Variants in NXPE3 observed in about 807,000 individuals in gnomAD.
NXPE3 encodes the protein NXPE family member 3.
NXPE3 carries 26 observed loss-of-function variants against 46.1 expected under a neutral mutation model. The observed-to-expected ratio is 0.56, with a 90% confidence interval of 0.41 to 0.78. The LOEUF (loss-of-function observed/expected upper bound fraction) is 0.78. Ranked by LOEUF, NXPE3 falls within the 30% of genes least tolerant of loss-of-function variation. NXPE3 has a pLI of 0.00. For synonymous variants in NXPE3, 272 were observed against 257.9 expected, an observed-to-expected ratio of 1.05 and a Z score of -0.52; for missense variants, 620 against 686.0, an observed-to-expected ratio of 0.90 and a Z score of 1.07.
chr3:101,786,722 C>T (rs1008537366), intron 4 of NXPE3, among the ~76,000 whole-genome samples: 2 of 152,180 alleles, frequency 1.3e-5, no homozygotes, highest in African/African-American at 4.8e-5. Flanking sequence ...TACCTGGAAG[C>T]TGTTGATGAT....
In NXPE3 at chr3:101,785,489, C is replaced by T; in HGVS notation, c.-108C>T. Reference sequence around the variant, plus strand: ...CTTAAGGGTACTAGCAGGATAGAAGCAAATGAAACTGAAAGCTCATCTGCA... The same window carrying T: ...CTTAAGGGTACTAGCAGGATAGAAGTAAATGAAACTGAAAGCTCATCTGCA... On this transcript the variant is annotated 5_prime_UTR_variant, in exon 4 of 8. Transcript: ENST00000273347. The T allele has an allele frequency of 1.1e-6, 1 of 931,704 alleles. No homozygotes were observed. The highest frequency in any genetic ancestry group is 2.4e-5 in the East Asian group (1 of 41,600). The allele number at this position is 931,704 out of a possible 1,614,324, so 57.7% of individuals were successfully genotyped here. A position where few individuals can be genotyped will look rare whatever the true frequency, so the allele number is the denominator to read the frequency against.
At chr3:101,813,331 C>A (rs1266277310) in intron 6 of NXPE3, among the ~76,000 whole-genome samples, 4 of 152,190 alleles carry the variant, frequency 2.6e-5, no homozygotes, top group Non-Finnish European at 4.4e-5. Flanking sequence ...AGGTTTGCTG[C>A]ACATCTCACC....
At chr3:101,789,643 C>G (rs867179235) in intron 4 of NXPE3, among the ~76,000 whole-genome samples, 9 of 152,120 alleles carry the variant, frequency 5.9e-5, no homozygotes, top group Admixed American at 3.3e-4. Context: ...CATTTTCATT[C>G]AGCTGAATTA....
rs564085779 is a variant in NXPE3, at chr3:101,801,090, G to A, written c.94-145G>A. On this transcript the variant is annotated intron_variant, in intron 4 of 7. Coordinates refer to ENST00000273347, the MANE Select transcript of NXPE3 (RefSeq NM_145037.4). ...CTTTCTCTTCCCGGAAGCCCAAGGG[G>A]ATTTTTCTTTGATATTCACTGTGAG... 7 of 878,766 alleles carry A rather than the reference G, an allele frequency of 8.0e-6. No individual in the cohort carries two copies. The East Asian group carries it at 1.5e-4, about 19-fold the overall frequency. The allele number at this position is 878,766 out of a possible 1,614,324, so 54.4% of individuals were successfully genotyped here.
Position 101,823,283 on chromosome 3 carries a change from A to G in NXPE3, c.*1329A>G, listed in dbSNP as rs921773844. ...AAATAATTTGGGTTTTTAATTTAAA[A>G]TAGGAGGGCCCCAGATCTTACTTTC... On this transcript the variant is annotated 3_prime_UTR_variant, in exon 8 of 8. Transcript: ENST00000273347. 6.6e-6 allele frequency: 1 copy of G among 152,156 alleles called. No homozygotes were observed. The highest frequency in any genetic ancestry group is 1.5e-5 in the Non-Finnish European group (1 of 68,032). The allele number at this position is 152,156 out of a possible 1,614,324, so 9.4% of individuals were successfully genotyped here. A position where few individuals can be genotyped will look rare whatever the true frequency, so the allele number is the denominator to read the frequency against.
chr3:101,814,840 G>C (rs1560063308), intron 6 of NXPE3, among the ~76,000 whole-genome samples: 1 of 152,042 alleles, frequency 6.6e-6, no homozygotes, highest in Non-Finnish European at 1.5e-5. Flanking sequence ...TTTTTGAGAA[G>C]TGATCTAGCA....
chr3:101,819,841 G>C (rs1174030623), intron 7 of NXPE3, among the ~76,000 whole-genome samples: 1 of 152,124 alleles, frequency 6.6e-6, no homozygotes, highest in Non-Finnish European at 1.5e-5. Context: ...TTGTGCAATA[G>C]ATGTCTAAAA....
intron 4 of NXPE3, among the ~76,000 whole-genome samples, chr3:101,794,227 G>A (rs969752234): frequency 6.6e-6 from 1 of 152,074 alleles, no homozygotes; most frequent in Non-Finnish European, 1.5e-5. Context: ...TTATAGAGAA[G>A]CTGAAGGGGG....
At chr3:101,803,841 A>G (rs1941283475) in intron 5 of NXPE3, among the ~76,000 whole-genome samples, 1 of 152,146 alleles carries the variant, frequency 6.6e-6, no homozygotes, top group Admixed American at 6.6e-5. Context: ...GCTGGTCTTG[A>G]ACCCCTGGGC....
At chr3:101,819,121 G>A (rs1219135874) in intron 7 of NXPE3, among the ~76,000 whole-genome samples, 1 of 152,218 alleles carries the variant, frequency 6.6e-6, no homozygotes, top group South Asian at 2.1e-4. Flanking sequence ...AACTCACTGA[G>A]GGCAAGGACT....
rs954275038 is a variant in NXPE3 at position 101,825,554 on chromosome 3, G to A, written c.*3600G>A. The A allele has an allele frequency of 6.6e-5, 10 of 152,062 alleles. No homozygotes were observed. Among genetic ancestry groups the A allele is most frequent in the Non-Finnish European group, 1.5e-4 (10 of 68,016 alleles). The allele number at this position is 152,062 out of a possible 1,614,324, so 9.4% of individuals were successfully genotyped here. On this transcript the variant is annotated 3_prime_UTR_variant, in exon 8 of 8. Coordinates refer to ENST00000273347, the MANE Select transcript of NXPE3 (RefSeq NM_145037.4). ...TATCATCTGAATGCAATGAACATTAGCATTTAGGTATATTTTCTTGCAGGT... is the reference window on the plus strand; with the variant it reads ...TATCATCTGAATGCAATGAACATTAACATTTAGGTATATTTTCTTGCAGGT...
At chr3:101,783,751 C>T (rs1939976589) in intron 3 of NXPE3, among the ~76,000 whole-genome samples, 1 of 152,182 alleles carries the variant, frequency 6.6e-6, no homozygotes, top group South Asian at 2.1e-4. Context: ...CCCTCTCTGG[C>T]CATTGTGGAA....
At chr3:101,801,145 C>G in intron 4 of NXPE3, 90 bp from the exon 5 acceptor site, 2 of 1,366,294 alleles carry the variant, frequency 1.5e-6, no homozygotes, top group Non-Finnish European at 1.0e-6. Flanking sequence ...AGCTAAAACT[C>G]ACAGAAGTGT....
chr3:101,802,078 T>G, intron 5 of NXPE3, 89 bp downstream of exon 5: 1 of 1,280,826 alleles, frequency 7.8e-7, no homozygotes, highest in South Asian at 1.5e-5. Context: ...ATTCGGTATG[T>G]GTTTCTTACC....
chr3:101,818,731 ATATATATATATATATATATATATTTTT>A (rs1249194591), intron 7 of NXPE3, among the ~76,000 whole-genome samples: 25 of 22,922 alleles, frequency 1.1e-3, no homozygotes, highest in African/African-American at 4.1e-3. Flanking sequence ...ATATATATAT[ATATATATATATATATATATATATTTTT>A]TTTTTTTTTT....
chr3:101,820,928 G>C (rs1406430459), intron 7 of NXPE3, among the ~76,000 whole-genome samples: 2 of 152,226 alleles, frequency 1.3e-5, no homozygotes, highest in East Asian at 3.9e-4. Flanking sequence ...TGGGTACTGG[G>C]CTTAAAACCT....
At chr3:101,786,634 C>T (rs1940196627) in intron 4 of NXPE3, among the ~76,000 whole-genome samples, 1 of 152,154 alleles carries the variant, frequency 6.6e-6, no homozygotes, top group South Asian at 2.1e-4. Context: ...AGTATTTCTT[C>T]TTCTTTTTCT....
At position 101,825,936 on chromosome 3, in the gene NXPE3, A is replaced by C. The variant is rs1942471170; in HGVS notation, c.*3982A>C. On this transcript the variant is annotated 3_prime_UTR_variant, in exon 8 of 8. Transcript: ENST00000273347. ...CCTTTCTATGCAAGTTACATTTTAT[A>C]GAATTATCCTACTAAAAGTAACCTT... The C allele has an allele frequency of 6.6e-6, 1 of 152,258 alleles. No homozygotes were observed. The highest frequency in any genetic ancestry group is 6.5e-5 in the Admixed American group (1 of 15,286). The allele number at this position is 152,258 out of a possible 1,614,324, so 9.4% of individuals were successfully genotyped here. A position where few individuals can be genotyped will look rare whatever the true frequency, so the allele number is the denominator to read the frequency against.
chr3:101,784,180 A>G (rs1412011251), intron 3 of NXPE3, among the ~76,000 whole-genome samples: 4 of 152,210 alleles, frequency 2.6e-5, no homozygotes. Context: ...GAAAAGTATA[A>G]TGCAGTATCA....
Sources: gnomAD v4.1 joint callset for allele counts (sites outside exome capture counted in the v4.1 genomes callset) on GRCh38, gnomAD v4.1.1 for gene constraint, MANE v1.5 for transcripts, NCBI Gene and HGNC (gene_info 2026-07-23, HGNC 2026-07-21) for gene names.